Variants in AOPEP observed in about 807,000 individuals in gnomAD.
The protein encoded by AOPEP is aminopeptidase O.
AOPEP carries 77 observed loss-of-function variants against 98.1 expected under a neutral mutation model. The observed-to-expected ratio is 0.78, with a 90% CI of 0.65 to 0.95. The LOEUF is 0.95. Ranked by LOEUF, AOPEP falls within the 40% of genes least tolerant of loss-of-function variation. AOPEP has a pLI of 0.00. For synonymous variants in AOPEP, 346 were observed against 365.3 expected, an observed-to-expected ratio of 0.95 and a Z score of 0.60; for missense variants, 1,024 against 1,024.7, an observed-to-expected ratio of 1.00 and a Z score of 0.01.
chr9:94,923,191 T>G (rs2053858210), intron 5 of AOPEP, among the ~76,000 whole-genome samples: 1 of 152,188 alleles, frequency 6.6e-6, no homozygotes, highest in Non-Finnish European at 1.5e-5. Context: ...TCAGCTCCCC[T>G]TCTTCCCATT....
chr9:94,751,785 G>A (rs768467497), intron 1 of AOPEP, among the ~76,000 whole-genome samples: 1 of 151,464 alleles, frequency 6.6e-6, no homozygotes, highest in South Asian at 2.1e-4. Context: ...TTAGATCCAG[G>A]GGGTCCATGT....
At chr9:94,761,816 T>C (rs1172160971) in intron 2 of AOPEP, among the ~76,000 whole-genome samples, 1 of 152,230 alleles carries the variant, frequency 6.6e-6, no homozygotes, top group Non-Finnish European at 1.5e-5. Context: ...GAATACCTTA[T>C]TAGATAGTTT....
At position 94,926,734 on chromosome 9, in the gene AOPEP, C is replaced by T. The variant is rs113883661; in HGVS notation, c.1555-1691C>T. Among the ~76,000 whole-genome samples the T allele has an allele frequency of 4.8e-3, 720 of 148,778 alleles. 4 individuals are homozygous for T. The highest frequency in any genetic ancestry group is 0.017 in the African/African-American group (695 of 40,002). ...GAGGATACAGGGTGACAGGGGTCAC[C>T]GGGGTCACTTTGCTGCCTGGGAGAC... On this transcript the variant is annotated intron_variant, in intron 6 of 16. Coordinates refer to ENST00000375315, the MANE Select transcript of AOPEP (RefSeq NM_001193329.3).
intron 13 of AOPEP, among the ~76,000 whole-genome samples, chr9:95,057,702 G>C (rs1453437811): frequency 1.3e-5 from 2 of 152,172 alleles, no homozygotes; most frequent in Non-Finnish European, 2.9e-5. Context: ...AATAACGTTT[G>C]TTCACTGATT....
chr9:95,086,909 C>T lies in AOPEP; in HGVS notation c.*232C>T, dbSNP rs1356389576. The T allele has an allele frequency of 2.5e-5, 25 of 987,790 alleles. No homozygotes were observed. Among genetic ancestry groups the T allele is most frequent in the Non-Finnish European group, 3.0e-5 (25 of 830,106 alleles). The allele number at this position is 987,790 out of a possible 1,614,324, so 61.2% of individuals were successfully genotyped here. A position where few individuals can be genotyped will look rare whatever the true frequency, so the allele number is the denominator to read the frequency against. ...CCCTCCCTGGAGGCTGCCTCCTGCC[C>T]TGGATCTGGAGTGGAGCTGCTCTGA... On this transcript the variant is annotated 3_prime_UTR_variant, in exon 17 of 17. Coordinates refer to ENST00000375315, the MANE Select transcript of AOPEP (RefSeq NM_001193329.3).
At chr9:95,017,260 G>A in intron 13 of AOPEP, among the ~76,000 whole-genome samples, 1 of 151,986 alleles carries the variant, frequency 6.6e-6, no homozygotes, top group Admixed American at 6.6e-5. Flanking sequence ...TTAATTATGG[G>A]GAAATGCTTC....
intron 11 of AOPEP, among the ~76,000 whole-genome samples, chr9:94,981,168 G>A (rs555349874): frequency 6.6e-6 from 1 of 152,206 alleles, no homozygotes; most frequent in Admixed American, 6.5e-5. Context: ...TCTCACTGCC[G>A]GGGGCTCTGT....
chr9:95,032,894 T>C (rs10993460), intron 13 of AOPEP, among the ~76,000 whole-genome samples: 16,878 of 152,172 alleles, frequency 0.11, 1,066 homozygotes, highest in East Asian at 0.18. Flanking sequence ...GTGATGGGCA[T>C]GTGCATGTAT....
intron 13 of AOPEP, among the ~76,000 whole-genome samples, chr9:95,054,762 T>A (rs2066680190): frequency 6.6e-6 from 1 of 152,190 alleles, no homozygotes; most frequent in Non-Finnish European, 1.5e-5. Flanking sequence ...ATATGAATAT[T>A]TGCTGCTACT....
intron 5 of AOPEP, among the ~76,000 whole-genome samples, chr9:94,857,612 CCTAT>C (rs763159636): frequency 7.0e-4 from 107 of 152,198 alleles, no homozygotes; most frequent in Admixed American, 2.0e-3. Context: ...TATATTTCTA[CCTAT>C]CTATCTTATA....
At chr9:94,922,718 T>C (rs1374620372) in intron 5 of AOPEP, among the ~76,000 whole-genome samples, 1 of 152,140 alleles carries the variant, frequency 6.6e-6, no homozygotes, top group Non-Finnish European at 1.5e-5. Context: ...GTGCCCCAAC[T>C]CCACTTGTAA....
chr9:94,963,419 C>T (rs974381082), intron 9 of AOPEP, among the ~76,000 whole-genome samples: 2 of 151,772 alleles, frequency 1.3e-5, no homozygotes, highest in African/African-American at 4.8e-5. Context: ...AGGTGTTAAT[C>T]AAAACAAGCT....
chr9:94,979,595 C>T (rs1205401135), intron 11 of AOPEP, among the ~76,000 whole-genome samples, 168 bp downstream of exon 11: 2 of 152,232 alleles, frequency 1.3e-5, no homozygotes, highest in South Asian at 2.1e-4. Context: ...ATTTCCCCCC[C>T]TCATTGTGGG....
chr9:95,028,879 A>G (rs1009013993), intron 13 of AOPEP, among the ~76,000 whole-genome samples: 4 of 152,174 alleles, frequency 2.6e-5, no homozygotes, highest in African/African-American at 4.8e-5. Context: ...CCAATTGTGT[A>G]TATTATTTGT....
At chr9:95,111,234 G>A in the AOPEP span, 103 of 1,537,530 alleles carry the variant, frequency 6.7e-5, 1 homozygote, top group South Asian at 1.2e-3. Context: ...CGTTTTGCAG[G>A]AGAATGGGCT....
chr9:94,843,118 C>T (rs531794500), intron 5 of AOPEP, among the ~76,000 whole-genome samples: 5 of 152,270 alleles, frequency 3.3e-5, no homozygotes, highest in South Asian at 4.1e-4. Context: ...GGGACTCTAA[C>T]GACACAAATA....
chr9:95,095,984 C>T, the AOPEP span, among the ~76,000 whole-genome samples: 82 of 152,236 alleles, frequency 5.4e-4, no homozygotes, highest in Non-Finnish European at 9.0e-4. Flanking sequence ...ATTTTATAAG[C>T]GAAATCCTTA....
intron 5 of AOPEP, among the ~76,000 whole-genome samples, chr9:94,902,778 G>A (rs554266713): frequency 9.4e-5 from 14 of 148,762 alleles, no homozygotes; most frequent in Admixed American, 8.7e-4. Flanking sequence ...TTTTTTTGCC[G>A]GGCACCGTGG....
chr9:94,745,108 A>G (rs1168789879), intron 1 of AOPEP, among the ~76,000 whole-genome samples: 1 of 152,114 alleles, frequency 6.6e-6, no homozygotes, highest in African/African-American at 2.4e-5. Flanking sequence ...TTATTCTAAA[A>G]TGCAAAACAA....
Sources: gnomAD v4.1 joint callset for allele counts (sites outside exome capture counted in the v4.1 genomes callset) on GRCh38, gnomAD v4.1.1 for gene constraint, MANE v1.5 for transcripts, NCBI Gene and HGNC (gene_info 2026-07-23, HGNC 2026-07-21) for gene names.